Variants in KCNN2 observed in about 807,000 individuals in gnomAD.
KCNN2 encodes small conductance calcium-activated potassium channel protein 2.
A neutral mutation model predicts 55.5 loss-of-function variants in KCNN2; 24 were observed. The ratio of observed to expected loss-of-function variants is 0.43; its 90% CI spans 0.31 to 0.61. The LOEUF is 0.61. Among genes scored for constraint, KCNN2 ranks in the 20% least tolerant of loss-of-function variants. The pLI is 0.08. For missense variants in KCNN2, 754 were observed against 853.6 expected (o/e 0.88, Z 1.45); for synonymous variants, 431 against 336.1 (o/e 1.28, Z -3.09).
At chr5:114,477,799 G>A (rs1032222728) in intron 5 of KCNN2, among the ~76,000 whole-genome samples, 1 of 152,132 alleles carries the variant, frequency 6.6e-6, no homozygotes, top group Non-Finnish European at 1.5e-5. Context: ...AATTTTTAAA[G>A]TTGCTAGATA....
intron 1 of KCNN2, among the ~76,000 whole-genome samples, chr5:114,138,976 A>G (rs1488053018): frequency 6.6e-6 from 1 of 152,200 alleles, no homozygotes; most frequent in African/African-American, 2.4e-5. Context: ...AAATAAAAGG[A>G]AATAAATACT....
At chr5:114,064,720 TA>T (rs1212689743) in intron 1 of KCNN2, among the ~76,000 whole-genome samples, 2 of 152,190 alleles carry the variant, frequency 1.3e-5, no homozygotes, top group Non-Finnish European at 2.9e-5. Flanking sequence ...TGGGGTAATA[TA>T]AAGGGGGCAT....
At chr5:114,252,986 G>A (rs1754902925) in intron 2 of KCNN2, among the ~76,000 whole-genome samples, 1 of 152,030 alleles carries the variant, frequency 6.6e-6, no homozygotes, top group African/African-American at 2.4e-5. Context: ...CCCCTGACTT[G>A]GTAAAACTGC....
intron 1 of KCNN2, among the ~76,000 whole-genome samples, chr5:114,152,121 A>T (rs960851490): frequency 6.6e-6 from 1 of 152,202 alleles, no homozygotes; most frequent in Non-Finnish European, 1.5e-5. Context: ...GTGCTTTGGC[A>T]TAGCAATAAA....
chr5:114,332,446 G>T (rs1156260269), intron 2 of KCNN2, among the ~76,000 whole-genome samples: 1 of 152,240 alleles, frequency 6.6e-6, no homozygotes, highest in African/African-American at 2.4e-5. Context: ...AATTGGTAAG[G>T]TTAAATGATA....
At chr5:114,411,606 C>A (rs1264187208) in intron 3 of KCNN2, among the ~76,000 whole-genome samples, 1 of 152,068 alleles carries the variant, frequency 6.6e-6, no homozygotes, top group Non-Finnish European at 1.5e-5. Flanking sequence ...TTCTGAGGCA[C>A]AGGACAGGAG....
chr5:114,098,872 T>C (rs144366192), intron 1 of KCNN2, among the ~76,000 whole-genome samples: 2 of 152,276 alleles, frequency 1.3e-5, no homozygotes, highest in Non-Finnish European at 2.9e-5. Flanking sequence ...GGGGTGAATC[T>C]AGGGCTTTGG....
At chr5:114,452,216 G>C (rs1203651344) in intron 3 of KCNN2, among the ~76,000 whole-genome samples, 1 of 152,158 alleles carries the variant, frequency 6.6e-6, no homozygotes, top group Non-Finnish European at 1.5e-5. Flanking sequence ...TTATACTTTA[G>C]AGCACCCTCA....
intron 3 of KCNN2, among the ~76,000 whole-genome samples, chr5:114,440,635 A>C (rs1760170046): frequency 1.4e-5 from 2 of 137,958 alleles, no homozygotes; most frequent in Non-Finnish European, 1.6e-5. Flanking sequence ...ATTAGATTTA[A>C]AGCCTTCTAA....
intron 1 of KCNN2, among the ~76,000 whole-genome samples, chr5:114,178,739 C>G (rs1753183281): frequency 6.6e-6 from 1 of 152,186 alleles, no homozygotes. Context: ...TTATCTCACT[C>G]TAAAATTAAG....
At chr5:114,180,713 T>C (rs867345437) in intron 1 of KCNN2, among the ~76,000 whole-genome samples, 4 of 152,126 alleles carry the variant, frequency 2.6e-5, no homozygotes, top group African/African-American at 7.2e-5. Flanking sequence ...CAATTCTGTG[T>C]CAAACCACCC....
chr5:114,164,312 A>G (rs999731693), intron 1 of KCNN2, among the ~76,000 whole-genome samples: 5 of 152,180 alleles, frequency 3.3e-5, no homozygotes, highest in African/African-American at 1.2e-4. Flanking sequence ...AGAAATATTA[A>G]TATATCCTTT....
upstream of KCNN2, chr5:114,056,036 G>C: frequency 4.0e-6 from 1 of 248,652 alleles, no homozygotes; most frequent in African/African-American, 2.2e-5. Context: ...ACTCGCTCCT[G>C]CCAGCCAAGG....
At chr5:114,152,376 CT>C (rs1752546175) in intron 1 of KCNN2, among the ~76,000 whole-genome samples, 1 of 152,118 alleles carries the variant, frequency 6.6e-6, no homozygotes, top group African/African-American at 2.4e-5. Context: ...ATTTTCCTGT[CT>C]TGTTGAAAAT....
chr5:114,064,892 A>G (rs1020278111), intron 1 of KCNN2, among the ~76,000 whole-genome samples: 5 of 152,218 alleles, frequency 3.3e-5, no homozygotes, highest in Admixed American at 3.3e-4. Context: ...TAGCTTCAAC[A>G]GTCTTTCCCT....
chr5:114,219,348 G>T (rs1754082509), intron 1 of KCNN2, among the ~76,000 whole-genome samples: 1 of 152,148 alleles, frequency 6.6e-6, no homozygotes, highest in Non-Finnish European at 1.5e-5. Flanking sequence ...GCTCTTGTCT[G>T]GTATCCAGGA....
At chr5:114,130,917 T>A (rs1752058617) in intron 1 of KCNN2, among the ~76,000 whole-genome samples, 1 of 152,180 alleles carries the variant, frequency 6.6e-6, no homozygotes, top group African/African-American at 2.4e-5. Context: ...TCTGTCTGCA[T>A]CAGATAGCTC....
intron 1 of KCNN2, among the ~76,000 whole-genome samples, chr5:114,064,515 G>A (rs6594782): frequency 0.098 from 14,951 of 152,194 alleles, 889 homozygotes; most frequent in Middle Eastern, 0.21. Flanking sequence ...ATGTGTGAGG[G>A]AAGCTCTCTT....
intron 1 of KCNN2, among the ~76,000 whole-genome samples, chr5:114,120,712 A>G (rs879890766): frequency 6.6e-6 from 1 of 152,220 alleles, no homozygotes; most frequent in Non-Finnish European, 1.5e-5. Context: ...ACTAATACCT[A>G]TCTAGGCTTT....
Sources: allele counts gnomAD v4.1 joint callset (sites outside exome capture counted in the v4.1 genomes callset), GRCh38; gene constraint gnomAD v4.1.1; transcripts MANE v1.5; gene names NCBI Gene and HGNC (gene_info 2026-07-23, HGNC 2026-07-21).